Variants in GNB1L observed in about 807,000 individuals in gnomAD.
GNB1L encodes the protein guanine nucleotide-binding protein subunit beta-like protein 1.
GNB1L carries 20 observed loss-of-function variants against 29.1 expected under a neutral mutation model. The observed-to-expected ratio is 0.69, with a 90% CI of 0.48 to 1.00. GNB1L has a LOEUF of 1.00. GNB1L is among the 50% of genes least tolerant of loss of function. GNB1L has a pLI of 0.00. For synonymous variants in GNB1L, 193 were observed against 206.5 expected, an observed-to-expected ratio of 0.93 and a Z score of 0.56; for missense variants, 421 against 464.9, an observed-to-expected ratio of 0.91 and a Z score of 0.87.
chr22:19,802,488 C>A (rs1456236649), intron 6 of GNB1L, among the ~76,000 whole-genome samples: 1 of 152,222 alleles, frequency 6.6e-6, no homozygotes, highest in Non-Finnish European at 1.5e-5. Flanking sequence ...AAGCCCAAGG[C>A]CTCCCACTGC....
chr22:19,822,367 C>T (rs1601337393), intron 2 of GNB1L, among the ~76,000 whole-genome samples: 1 of 152,162 alleles, frequency 6.6e-6, no homozygotes, highest in Admixed American at 6.5e-5. Context: ...TGCCGGGCCA[C>T]CACCCACCCA....
In GNB1L at chr22:19,820,650, C is replaced by T. The variant is rs1277646140; in HGVS notation, c.202G>A (p.Gly68Ser). 17 of 1,613,262 alleles carry T rather than the reference C, an allele frequency of 1.1e-5. No individual in the cohort carries two copies. The highest frequency in any genetic ancestry group is 3.3e-5 in the Admixed American group (2 of 59,988). The stretch of plus-strand genomic sequence containing the variant: ...GTCTGCAGCCAGGTCACACACTGGC[C>T]GCCGTGGCCATCCAGGGTGGTAACC... ...RAVTTLDGHG[G>S]QCVTWLQTLP... The change falls in exon 4 of 8, where the codon GGC (glycine) becomes AGC (serine). Residue 68 changes from glycine (G) to serine (S), a missense_variant. Gly to Ser is a moderately conservative substitution (Grantham distance 56). Coordinates refer to ENST00000329517, the MANE Select transcript of GNB1L (RefSeq NM_053004.3).
chr22:19,814,605 A>T (rs1937518103), intron 4 of GNB1L, among the ~76,000 whole-genome samples: 1 of 152,212 alleles, frequency 6.6e-6, no homozygotes, highest in South Asian at 2.1e-4. Flanking sequence ...TCAGGGACCC[A>T]TGTGTTCAGC....
chr22:19,853,718 T>G (rs1046884327), intron 2 of GNB1L, among the ~76,000 whole-genome samples: 4 of 143,494 alleles, frequency 2.8e-5, no homozygotes, highest in African/African-American at 7.6e-5. Flanking sequence ...GACCCCCCTC[T>G]GGGGGGGGGG....
At chr22:19,846,854 G>C (rs147571103) in intron 2 of GNB1L, 13 of 894,012 alleles carry the variant, frequency 1.5e-5, no homozygotes, top group Non-Finnish European at 1.1e-5. Flanking sequence ...GAATCATGAG[G>C]AAATGTCTGT....
intron 2 of GNB1L, chr22:19,850,978 T>G: frequency 1.4e-6 from 2 of 1,404,150 alleles, no homozygotes; most frequent in South Asian, 3.4e-5. Flanking sequence ...AGGGCGGAGG[T>G]CAAGCTCTGC....
At chr22:19,851,755 C>G (rs1938106155) in intron 2 of GNB1L, 3 of 1,610,274 alleles carry the variant, frequency 1.9e-6, no homozygotes, top group Non-Finnish European at 2.5e-6. Flanking sequence ...GGCAGAAGAG[C>G]TCGTAATCGT....
intron 2 of GNB1L, among the ~76,000 whole-genome samples, chr22:19,828,367 T>C (rs989375055): frequency 4.6e-5 from 7 of 152,068 alleles, no homozygotes; most frequent in Non-Finnish European, 8.8e-5. Flanking sequence ...AATATAACAG[T>C]TTATTGCCAG....
chr22:19,850,148 C>T (rs1215780345), intron 2 of GNB1L: 4 of 985,478 alleles, frequency 4.1e-6, no homozygotes, highest in Non-Finnish European at 4.8e-6. Context: ...AGCTGCAATG[C>T]TGACCTGGAA....
At chr22:19,801,652 G>C (rs779208077) in intron 7 of GNB1L, among the ~76,000 whole-genome samples, 34 of 143,798 alleles carry the variant, frequency 2.4e-4, no homozygotes, top group Non-Finnish European at 4.3e-4. Context: ...TTTCCACACT[G>C]GTTTTTTTTT....
At chr22:19,825,500 T>C (rs1163329392) in intron 2 of GNB1L, among the ~76,000 whole-genome samples, 1 of 151,936 alleles carries the variant, frequency 6.6e-6, no homozygotes, top group Non-Finnish European at 1.5e-5. Flanking sequence ...TGTATGCCTG[T>C]GGTCCCAGCT....
At chr22:19,794,141 T>A (rs1444052610) in intron 7 of GNB1L, among the ~76,000 whole-genome samples, 1 of 152,128 alleles carries the variant, frequency 6.6e-6, no homozygotes, top group Non-Finnish European at 1.5e-5. Context: ...TGGTGATAGG[T>A]GCCTGTAGTC....
At chr22:19,844,279 C>T (rs1394014698) in intron 2 of GNB1L, among the ~76,000 whole-genome samples, 1 of 152,248 alleles carries the variant, frequency 6.6e-6, no homozygotes, top group African/African-American at 2.4e-5. Flanking sequence ...TCTAGACAGC[C>T]CACTGCAGCC....
chr22:19,811,790 T>A (rs971388122), intron 5 of GNB1L, among the ~76,000 whole-genome samples: 1 of 146,818 alleles, frequency 6.8e-6, no homozygotes, highest in Admixed American at 6.7e-5. Flanking sequence ...TTGTGTGCCC[T>A]GAGATACCAC....
rs200780846 is a variant in GNB1L, at chr22:19,802,126, G to A, written c.607C>T (p.Arg203Cys). ...ACGGGCTCCTCATGGCAGGCGATGC[G>A]GCTGCACACCTTCTGCTCAGAGACG... The part of the protein sequence containing the change: ...WDVSEQKVCS[R>C]IACHEEPVMD... Residue 203 changes from arginine to cysteine, a missense_variant, in exon 7 of 8, where the codon CGC becomes TGC. Arg to Cys is a radical substitution (Grantham distance 180). Coordinates refer to ENST00000329517, the MANE Select transcript of GNB1L (RefSeq NM_053004.3). 2.9e-4 allele frequency: 461 copies of A among 1,613,368 alleles called. 1 individual carries two copies. The highest frequency in any genetic ancestry group is 1.7e-4 in the Non-Finnish European group (206 of 1,180,006).
intron 2 of GNB1L, chr22:19,852,524 C>G (rs1191120309): frequency 2.4e-5 from 12 of 494,332 alleles, no homozygotes; most frequent in East Asian, 3.4e-5. Flanking sequence ...AGGAACTAGG[C>G]CTAACCATCA....
intron 2 of GNB1L, chr22:19,848,862 A>G: frequency 1.0e-6 from 1 of 985,452 alleles, no homozygotes; most frequent in Non-Finnish European, 1.2e-6. Context: ...GAGATGGGGA[A>G]GGTGGCCTGT....
At chr22:19,799,664 A>T (rs1234851324) in intron 7 of GNB1L, among the ~76,000 whole-genome samples, 1 of 152,140 alleles carries the variant, frequency 6.6e-6, no homozygotes, top group Non-Finnish European at 1.5e-5. Flanking sequence ...GGAGGGTGTG[A>T]GGGGGACACA....
intron 6 of GNB1L, among the ~76,000 whole-genome samples, chr22:19,803,564 C>A (rs149598482): frequency 1.3e-5 from 2 of 152,320 alleles, no homozygotes; most frequent in Admixed American, 1.3e-4. Context: ...CCTTTCAGAT[C>A]ACCTGCTGGG....
Sources: allele counts gnomAD v4.1 joint callset (sites outside exome capture counted in the v4.1 genomes callset), GRCh38; gene constraint gnomAD v4.1.1; transcripts MANE v1.5; gene names NCBI Gene and HGNC (gene_info 2026-07-23, HGNC 2026-07-21).